The following NRXN1 variants were observed in gnomAD, a reference collection of about 807,000 sequenced individuals.
The protein encoded by NRXN1 is neurexin-1.
In NRXN1, 39 loss-of-function variants were observed where a neutral mutation model predicts 150.9. That is an observed-to-expected ratio of 0.26 (90% CI 0.20 to 0.34). NRXN1 has a LOEUF of 0.34. NRXN1 is among the 10% of genes least tolerant of loss of function. The pLI is 1.00. For missense variants in NRXN1, 1,815 were observed against 1,949.9 expected (o/e 0.93, Z 1.30); for synonymous variants, 924 against 757.0 (o/e 1.22, Z -3.62).
chr2:49,973,848 T>G, intron 21 of NRXN1: 1 of 589,468 alleles, frequency 1.7e-6, no homozygotes, highest in Non-Finnish European at 3.1e-6. Flanking sequence ...TTAAAATTAG[T>G]TTATCCAAAT....
At position 49,983,836 on chromosome 2, in the gene NRXN1, G is replaced by A. The variant is rs142095705; in HGVS notation, c.4129-40045C>T. Among the ~76,000 whole-genome samples the A allele has an allele frequency of 1.0e-3, 153 of 152,150 alleles. 1 individual carries two copies. Among genetic ancestry groups the A allele is most frequent in the Middle Eastern group, 3.4e-3 (1 of 294 alleles). ...AACATATATCACTGTGCATTTTGTT[G>A]CATTACATATATTCTCTCATTTTCT... On this transcript the variant is annotated intron_variant, in intron 21 of 22. Transcript: ENST00000401669.
At chr2:50,567,656 G>A (rs758825106) in intron 8 of NRXN1, among the ~76,000 whole-genome samples, 9 of 152,056 alleles carry the variant, frequency 5.9e-5, no homozygotes, top group Non-Finnish European at 1.2e-4. Flanking sequence ...TAAGATTAAT[G>A]AACTCCATTT....
At chr2:50,885,270 ATTCT>A (rs891330910) in intron 5 of NRXN1, among the ~76,000 whole-genome samples, 4 of 151,480 alleles carry the variant, frequency 2.6e-5, no homozygotes, top group Non-Finnish European at 5.9e-5. Flanking sequence ...CCAATGGTTC[ATTCT>A]TTATCAGTCA....
chr2:50,402,845 C>A (rs544236911), intron 17 of NRXN1, among the ~76,000 whole-genome samples: 1 of 151,988 alleles, frequency 6.6e-6, no homozygotes, highest in East Asian at 1.9e-4. Context: ...CTGTAAATTG[C>A]AATTAGTAAT....
chr2:49,981,713 C>G (rs575908814), intron 21 of NRXN1, among the ~76,000 whole-genome samples: 4 of 152,154 alleles, frequency 2.6e-5, no homozygotes, highest in Admixed American at 2.0e-4. Context: ...ACTGTGAAAT[C>G]TGAGTTAGAA....
intron 17 of NRXN1, among the ~76,000 whole-genome samples, chr2:50,411,561 G>A (rs1044332720): frequency 6.8e-6 from 1 of 146,412 alleles, no homozygotes; most frequent in African/African-American, 2.5e-5. Flanking sequence ...GCCCGGCTGC[G>A]ACCCCGTCTG....
At chr2:50,716,752 A>G (rs1695918457) in intron 5 of NRXN1, among the ~76,000 whole-genome samples, 1 of 152,198 alleles carries the variant, frequency 6.6e-6, no homozygotes, top group Admixed American at 6.5e-5. Context: ...GTCAGACACC[A>G]TGCTAGGCAT....
rs1415450651 is a variant in NRXN1, at chr2:50,547,108, A to G, written c.1759+5479T>C. On this transcript the variant is annotated intron_variant, in intron 9 of 22. Transcript: ENST00000401669. ...CTTGAGAGAGCCTTGTACCTTTCCC[A>G]CTGTAATATCTAGTTCTTAAACTGG... 1.3e-5 allele frequency among the ~76,000 whole-genome samples: 2 copies of G among 152,098 alleles called. 1 individual carries two copies. Among genetic ancestry groups the G allele is most frequent in the African/African-American group, 4.8e-5 (2 of 41,400 alleles).
intron 12 of NRXN1, among the ~76,000 whole-genome samples, chr2:50,522,156 C>G (rs1018580708): frequency 6.6e-6 from 1 of 152,176 alleles, no homozygotes; most frequent in Admixed American, 6.5e-5. Flanking sequence ...CTCTTCATAA[C>G]GACAACAAAT....
intron 2 of NRXN1, among the ~76,000 whole-genome samples, chr2:51,006,559 A>G (rs1221501866): frequency 6.6e-6 from 1 of 151,892 alleles, no homozygotes; most frequent in African/African-American, 2.4e-5. Context: ...AAAATTTAAA[A>G]AAAAAGACCT....
chr2:50,180,688 A>C (rs1471241767), intron 18 of NRXN1, among the ~76,000 whole-genome samples: 2 of 152,108 alleles, frequency 1.3e-5, no homozygotes, highest in Non-Finnish European at 2.9e-5. Context: ...TTACCATCAG[A>C]CACCAGATGC....
chr2:50,801,850 T>C (rs1574522913), intron 5 of NRXN1, among the ~76,000 whole-genome samples: 1 of 152,206 alleles, frequency 6.6e-6, no homozygotes, highest in Non-Finnish European at 1.5e-5. Flanking sequence ...AATTTTCTTC[T>C]ATCAAGTTTC....
intron 18 of NRXN1, among the ~76,000 whole-genome samples, chr2:50,223,491 T>G (rs1487873165): frequency 6.6e-6 from 1 of 151,986 alleles, no homozygotes; most frequent in Admixed American, 6.6e-5. Context: ...ATACCTGTTT[T>G]TTAAAGATCA....
At chr2:50,186,096 C>G (rs1490415406) in intron 18 of NRXN1, among the ~76,000 whole-genome samples, 1 of 152,048 alleles carries the variant, frequency 6.6e-6, no homozygotes, top group Admixed American at 6.6e-5. Flanking sequence ...TTGAAACTAT[C>G]TGCCAGAAAA....
intron 12 of NRXN1, among the ~76,000 whole-genome samples, chr2:50,510,273 G>T (rs2092399227): frequency 6.6e-6 from 1 of 151,828 alleles, no homozygotes; most frequent in African/African-American, 2.4e-5. Flanking sequence ...GAATCACGAG[G>T]TCAGGAGTTT....
intron 5 of NRXN1, among the ~76,000 whole-genome samples, chr2:50,656,788 A>T (rs1049539026): frequency 6.6e-6 from 1 of 151,962 alleles, no homozygotes; most frequent in South Asian, 2.1e-4. Flanking sequence ...CAATAATGTT[A>T]TGTCATTCAC....
intron 21 of NRXN1, among the ~76,000 whole-genome samples, chr2:50,031,714 C>T (rs1031128807): frequency 1.8e-4 from 28 of 152,154 alleles, no homozygotes; most frequent in African/African-American, 6.7e-4. Context: ...TATAAAATGA[C>T]CAAGTGCTGT....
intron 17 of NRXN1, among the ~76,000 whole-genome samples, chr2:50,358,325 C>T (rs2078964737): frequency 6.6e-6 from 1 of 152,224 alleles, no homozygotes; most frequent in Non-Finnish European, 1.5e-5. Context: ...AGCTAAGATC[C>T]ACTGGCTTGA....
intron 5 of NRXN1, among the ~76,000 whole-genome samples, chr2:50,712,585 C>T (rs988540793): frequency 1.3e-5 from 2 of 152,144 alleles, no homozygotes; most frequent in Non-Finnish European, 2.9e-5. Context: ...ATTCTTCTAA[C>T]GGCACTAATA....
Sources: allele counts gnomAD v4.1 joint callset (sites outside exome capture counted in the v4.1 genomes callset), GRCh38; gene constraint gnomAD v4.1.1; transcripts MANE v1.5; gene names NCBI Gene and HGNC (gene_info 2026-07-23, HGNC 2026-07-21).